ATP2B4: variants seen among roughly 807,000 people sequenced by gnomAD.
The protein encoded by ATP2B4 is plasma membrane calcium-transporting ATPase 4.
Under a neutral mutation model 110.3 loss-of-function variants are expected in ATP2B4, and 39 were observed. The observed-to-expected ratio is 0.35, with a 90% confidence interval of 0.27 to 0.46. ATP2B4 has a LOEUF of 0.46. Ranked by LOEUF, ATP2B4 falls within the 20% of genes least tolerant of loss-of-function variation. The probability of loss-of-function intolerance (pLI) is 1.00; values close to 1 mark genes in which losing one functional copy is unlikely to be tolerated. For missense variants in ATP2B4, 1,135 were observed against 1,530.9 expected (o/e 0.74, Z 4.32); for synonymous variants, 538 against 571.7 (o/e 0.94, Z 0.84).
At chr1:203,690,728 G>A (rs1432404034) in intron 2 of ATP2B4, among the ~76,000 whole-genome samples, 1 of 152,128 alleles carries the variant, frequency 6.6e-6, no homozygotes, top group Non-Finnish European at 1.5e-5. Flanking sequence ...ACTCTACTAA[G>A]GATGGCAAAT....
chr1:203,721,345 T>C lies in ATP2B4; in HGVS notation c.2747T>C (p.Met916Thr). 1 of 1,614,222 alleles carries C rather than the reference T, an allele frequency of 6.2e-7. No homozygotes were observed. The highest frequency in any genetic ancestry group is 8.5e-7 in the Non-Finnish European group (1 of 1,180,046). ...AATAAGCCTCTGATCTCACGCACTA[T>C]GATGAAGAACATCTTGGGCCATGCA... ...GRNKPLISRT[M>T]MKNILGHAFY... The change falls in exon 17 of 21, where the codon ATG (methionine) becomes ACG (threonine). Residue 916 changes from methionine (M) to threonine (T), a missense_variant. Transcript: ENST00000357681.
intron 2 of ATP2B4, among the ~76,000 whole-genome samples, chr1:203,687,988 G>C (rs1558034432): frequency 7.4e-6 from 1 of 134,388 alleles, no homozygotes; most frequent in Non-Finnish European, 1.6e-5. Flanking sequence ...GAGGGAGAGA[G>C]AAAGAGATTA....
intron 1 of ATP2B4, among the ~76,000 whole-genome samples, chr1:203,675,595 AC>A (rs921022326): frequency 1.3e-5 from 2 of 152,042 alleles, no homozygotes; most frequent in African/African-American, 4.8e-5. Context: ...GATTCCTGAG[AC>A]CCAGGGGCTA....
intron 4 of ATP2B4, among the ~76,000 whole-genome samples, 181 bp from the exon 5 acceptor site, chr1:203,700,025 T>G (rs1665644726): frequency 6.6e-6 from 1 of 152,124 alleles, no homozygotes. Context: ...GAAAGCAACC[T>G]TCTCCCAGAT....
intron 1 of ATP2B4, among the ~76,000 whole-genome samples, chr1:203,634,146 G>A (rs935075213): frequency 8.5e-5 from 13 of 152,062 alleles, no homozygotes; most frequent in African/African-American, 2.4e-4. Flanking sequence ...CATACATTAC[G>A]GAACGATTAA....
chr1:203,717,343 C>T (rs1460407190), intron 15 of ATP2B4, among the ~76,000 whole-genome samples: 1 of 152,028 alleles, frequency 6.6e-6, no homozygotes, highest in Admixed American at 6.6e-5. Context: ...CCAAAGGTGA[C>T]CAATGAGTGG....
intron 1 of ATP2B4, among the ~76,000 whole-genome samples, chr1:203,677,516 G>A (rs1015735771): frequency 2.0e-5 from 3 of 152,204 alleles, no homozygotes; most frequent in African/African-American, 4.8e-5. Flanking sequence ...AGGCGGGAGT[G>A]CAGTGGCACG....
At chr1:203,627,674 GAAA>G (rs58557409) in intron 1 of ATP2B4, among the ~76,000 whole-genome samples, 2 of 134,622 alleles carry the variant, frequency 1.5e-5, no homozygotes, top group Non-Finnish European at 1.6e-5. Context: ...AAGAGAGATG[GAAA>G]AAAAAAAAAA....
Position 203,740,112 on chromosome 1 carries a change from C to A in ATP2B4, c.*258C>A. ...ATGGTAGAATCTACTCCTTGGTAGT[C>A]ACTTGTCATTTTTAAAGAAATGATG... is the stretch of plus-strand genomic sequence containing the variant. On this transcript the variant is annotated 3_prime_UTR_variant, in exon 21 of 21. Coordinates refer to ENST00000357681, the MANE Select transcript of ATP2B4 (RefSeq NM_001684.5). 1 of 434,548 alleles carries A rather than the reference C, an allele frequency of 2.3e-6. No individual in the cohort carries two copies. The highest frequency in any genetic ancestry group is 4.1e-6 in the Non-Finnish European group (1 of 244,454). The allele number at this position is 434,548 out of a possible 1,614,324, so 26.9% of individuals were successfully genotyped here. A position where few individuals can be genotyped will look rare whatever the true frequency, so the allele number is the denominator to read the frequency against.
At position 203,700,209 on chromosome 1, in the gene ATP2B4, A is replaced by G; in HGVS notation, c.653A>G (p.Asp218Gly). The part of the protein sequence containing the change: ...VGDIAQVKYG[D>G]LLPADGILIQ... ...CTCCTTCCCCTTTGTGCTCTAGGTG[A>G]TCTGCTGCCTGCAGATGGAATCCTG... is the stretch of plus-strand genomic sequence containing the variant. Residue 218 changes from aspartate to glycine, a missense_variant, in exon 5 of 21, where the codon GAT becomes GGT. By Grantham distance (94) the Asp-to-Gly change is moderately conservative (BLOSUM62 -1). Around this residue, in one of 9 missense-constraint regions of ATP2B4, gnomAD observed 101 missense variants for 182.6 expected, o/e 0.55. Coordinates refer to ENST00000357681, the MANE Select transcript of ATP2B4 (RefSeq NM_001684.5). 1 of 1,613,042 alleles carries G rather than the reference A, an allele frequency of 6.2e-7. No individual in the cohort carries two copies. Among genetic ancestry groups the G allele is most frequent in the Non-Finnish European group, 8.5e-7 (1 of 1,179,336 alleles).
At chr1:203,706,511 C>G (rs548311709) in intron 8 of ATP2B4, among the ~76,000 whole-genome samples, 1 of 152,320 alleles carries the variant, frequency 6.6e-6, no homozygotes, top group East Asian at 1.9e-4. Context: ...AGGTGATACA[C>G]TAGCACCATA....
rs560010962 is a variant in ATP2B4, at chr1:203,674,818, G to A, written c.-464-7924G>A. On this transcript the variant is annotated intron_variant, in intron 1 of 20. Coordinates refer to ENST00000357681, the MANE Select transcript of ATP2B4 (RefSeq NM_001684.5). ...ACTACAGGCACGTGCCACCACACCT[G>A]GCTAATTTTTTGTATTTTTAGTAGA... Among the ~76,000 whole-genome samples the A allele has an allele frequency of 5.3e-5, 8 of 151,946 alleles. No individual in the cohort carries two copies. In the East Asian group the frequency reaches 1.5e-3, roughly 29 times the overall value.
intron 17 of ATP2B4, 152 bp from the exon 18 acceptor site, chr1:203,722,326 C>T (rs1040115403): frequency 2.5e-5 from 17 of 673,498 alleles, no homozygotes; most frequent in Non-Finnish European, 3.8e-5. Flanking sequence ...AGAGTGAGAC[C>T]CTGTGTCAAA....
intron 8 of ATP2B4, among the ~76,000 whole-genome samples, chr1:203,704,882 AC>A (rs1254549712): frequency 6.6e-6 from 1 of 151,994 alleles, no homozygotes; most frequent in Non-Finnish European, 1.5e-5. Flanking sequence ...TATACAACTT[AC>A]CTCGGGTTCT....
chr1:203,711,154 T>A, intron 12 of ATP2B4, 46 bp downstream of exon 12: 1 of 1,567,392 alleles, frequency 6.4e-7, no homozygotes, highest in South Asian at 1.1e-5. Context: ...AGTGGGGTAC[T>A]AGTTCCCTTT....
chr1:203,693,402 A>G (rs1308867789), intron 2 of ATP2B4, among the ~76,000 whole-genome samples: 1 of 152,198 alleles, frequency 6.6e-6, no homozygotes, highest in African/African-American at 2.4e-5. Context: ...GGGAACTGAG[A>G]CAGCCACTTG....
intron 19 of ATP2B4, 141 bp downstream of exon 19, chr1:203,724,129 G>A (rs1666432559): frequency 4.6e-6 from 3 of 653,330 alleles, no homozygotes; most frequent in Non-Finnish European, 5.0e-6. Context: ...CCCCACTCAA[G>A]TTTTCAAGTT....
At chr1:203,719,587 G>A (rs1046700189) in intron 15 of ATP2B4, among the ~76,000 whole-genome samples, 2 of 151,864 alleles carry the variant, frequency 1.3e-5, no homozygotes, top group Non-Finnish European at 2.9e-5. Flanking sequence ...GTGCGTCCCT[G>A]TAATCCCAGC....
chr1:203,664,673 G>A (rs949058594), intron 1 of ATP2B4, among the ~76,000 whole-genome samples: 2 of 152,108 alleles, frequency 1.3e-5, no homozygotes, highest in Non-Finnish European at 2.9e-5. Context: ...CCACGGGGCT[G>A]GCCACTTTGA....
Sources: allele counts gnomAD v4.1 joint callset (sites outside exome capture counted in the v4.1 genomes callset), GRCh38; gene constraint gnomAD v4.1.1; regional missense constraint gnomAD v4.1.1; transcripts MANE v1.5; gene names NCBI Gene and HGNC (gene_info 2026-07-23, HGNC 2026-07-21).